VPS53: variants seen among roughly 807,000 people sequenced by gnomAD.
VPS53 encodes the protein VPS53 subunit of GARP complex.
Under a neutral mutation model 107.0 loss-of-function variants are expected in VPS53, and 70 were observed. The observed-to-expected ratio is 0.65, with a 90% confidence interval of 0.54 to 0.80. The LOEUF is 0.80. VPS53 is among the 30% of genes least tolerant of loss of function. The pLI is 0.00. For synonymous variants in VPS53, 409 were observed against 393.3 expected (o/e 1.04, Z -0.47); for missense variants, 917 against 1,049.4 (o/e 0.87, Z 1.74).
chr17:566,121 G>A (rs896882717), intron 13 of VPS53, among the ~76,000 whole-genome samples: 8 of 148,852 alleles, frequency 5.4e-5, no homozygotes, highest in Middle Eastern at 6.9e-3. Flanking sequence ...GGAGAATGGC[G>A]TGAACCCGGG....
chr17:586,421 G>A, intron 12 of VPS53, 57 bp from the exon 13 acceptor site: 3 of 1,536,460 alleles, frequency 2.0e-6, no homozygotes, highest in Non-Finnish European at 2.7e-6. Flanking sequence ...AAATGTTCAA[G>A]AATTTTTTTA....
intron 5 of VPS53, among the ~76,000 whole-genome samples, chr17:656,607 C>T (rs1015000348): frequency 6.6e-6 from 1 of 152,084 alleles, no homozygotes; most frequent in Non-Finnish European, 1.5e-5. Context: ...ACCAGAAAAG[C>T]ATATTCAATA....
chr17:607,106 C>T (rs992548670), intron 11 of VPS53, among the ~76,000 whole-genome samples: 1 of 152,178 alleles, frequency 6.6e-6, no homozygotes, highest in Non-Finnish European at 1.5e-5. Flanking sequence ...CAAGGGGAAG[C>T]TTTGAGCAGT....
chr17:662,861 GGAAGGAAGGAAC>G (rs1417937626), intron 4 of VPS53, among the ~76,000 whole-genome samples: 3 of 114,418 alleles, frequency 2.6e-5, no homozygotes, highest in Non-Finnish European at 4.1e-5. Context: ...AAGGAAGGAA[GGAAGGAAGGAAC>G]GAAGGAAGGA....
In VPS53 at chr17:515,113, A is replaced by G. The variant is rs1413312873; in HGVS notation, c.*4015T>C. ...TATTTTAAACCCAAAGTGACTTCAA[A>G]GTTGTTTTTTGGTTTTTAAAGGGGC... is the stretch of plus-strand genomic sequence containing the variant. On this transcript the variant is annotated 3_prime_UTR_variant, in exon 22 of 22. Coordinates refer to ENST00000437048, the MANE Select transcript of VPS53 (RefSeq NM_001128159.3). 1 of 152,176 alleles carries G rather than the reference A, an allele frequency of 6.6e-6. No homozygotes were observed. The highest frequency in any genetic ancestry group is 6.5e-5 in the Admixed American group (1 of 15,276). 9.4% of individuals were successfully genotyped at this position (152,176 alleles called of 1,614,324 possible). A position where few individuals can be genotyped will look rare whatever the true frequency, so the allele number is the denominator to read the frequency against.
intron 4 of VPS53, among the ~76,000 whole-genome samples, chr17:668,064 C>A (rs140869352): frequency 1.1e-4 from 16 of 152,204 alleles, no homozygotes; most frequent in African/African-American, 3.6e-4. Flanking sequence ...AGGTTGGGGA[C>A]CACTGGTTTA....
intron 10 of VPS53, among the ~76,000 whole-genome samples, chr17:624,934 G>A (rs969230363): frequency 2.2e-5 from 3 of 135,306 alleles, no homozygotes; most frequent in South Asian, 2.4e-4. Flanking sequence ...CCTTCCACTC[G>A]CCCTCCCTCC....
Position 686,828 on chromosome 17 carries a change from T to C in VPS53, c.285+10590A>G, listed in dbSNP as rs73283512. Among the ~76,000 whole-genome samples the C allele has an allele frequency of 9.9e-3, 1,509 of 152,224 alleles. 24 individuals carry two copies. Among genetic ancestry groups the C allele is most frequent in the African/African-American group, 0.034 (1,412 of 41,538 alleles). ...TTACTAAACATGAGTGAGCCCAACA[T>C]TGTGCAAAAAAGGTGTTTTAAAATA... is the stretch of plus-strand genomic sequence containing the variant. On this transcript the variant is annotated intron_variant, in intron 4 of 21. Transcript: ENST00000437048.
At chr17:534,505 C>G (rs1296662926) in intron 18 of VPS53, among the ~76,000 whole-genome samples, 1 of 152,072 alleles carries the variant, frequency 6.6e-6, no homozygotes, top group East Asian at 1.9e-4. Flanking sequence ...AAACAAGGGG[C>G]TATTTGGAAG....
intron 13 of VPS53, among the ~76,000 whole-genome samples, chr17:569,672 A>T (rs373554540): frequency 6.6e-6 from 1 of 152,112 alleles, no homozygotes. Context: ...TAATCTCAAC[A>T]TCTAGGGAGG....
At chr17:560,978 G>A (rs973859463) in intron 14 of VPS53, among the ~76,000 whole-genome samples, 1 of 152,110 alleles carries the variant, frequency 6.6e-6, no homozygotes, top group Non-Finnish European at 1.5e-5. Context: ...GTGTGCTGGT[G>A]GAGGAGGACA....
intron 13 of VPS53, among the ~76,000 whole-genome samples, chr17:563,285 T>TC (rs1913188439): frequency 2.7e-5 from 4 of 146,286 alleles, no homozygotes; most frequent in Non-Finnish European, 4.5e-5. Flanking sequence ...GAACTTCATT[T>TC]CCTTTTTTTT....
chr17:533,825 C>T (rs1208088470), intron 18 of VPS53, among the ~76,000 whole-genome samples: 2 of 150,342 alleles, frequency 1.3e-5, no homozygotes, highest in African/African-American at 4.9e-5. Context: ...AGTGAATGCA[C>T]ATTGAGTAAA....
intron 4 of VPS53, among the ~76,000 whole-genome samples, chr17:694,464 C>T (rs1256249444): frequency 6.6e-6 from 1 of 152,098 alleles, no homozygotes; most frequent in Admixed American, 6.6e-5. Flanking sequence ...CAAAAAATGC[C>T]GATGAATCAC....
chr17:645,053 T>C (rs1003843330), intron 7 of VPS53, among the ~76,000 whole-genome samples: 25 of 152,354 alleles, frequency 1.6e-4, no homozygotes, highest in Admixed American at 3.3e-4. Context: ...TGTTGGACTT[T>C]CTATTTTTCA....
Position 571,228 on chromosome 17 carries a change from G to A in VPS53, c.1314-8483C>T, listed in dbSNP as rs1362108351. Among the ~76,000 whole-genome samples the A allele has an allele frequency of 2.6e-5, 3 of 114,598 alleles. No individual in the cohort carries two copies. The East Asian group carries it at 9.3e-4, about 35-fold the overall frequency. The allele number at this position is 114,598 out of a possible 152,430, so 75.2% of individuals were successfully genotyped here. A position where few individuals can be genotyped will look rare whatever the true frequency, so the allele number is the denominator to read the frequency against. ...TCTAGAGGCTGAAGTAGGAGGAGGG[G>A]AAGGGAGAGGAAGGGAGGGGAGGGG... On this transcript the variant is annotated intron_variant, in intron 13 of 21. Transcript: ENST00000437048.
At chr17:591,020 C>G (rs1036796941) in intron 12 of VPS53, among the ~76,000 whole-genome samples, 7 of 151,740 alleles carry the variant, frequency 4.6e-5, no homozygotes, top group East Asian at 3.9e-4. Context: ...GACTCTTTTT[C>G]GTTGGTAAGC....
Position 553,372 on chromosome 17 carries a change from G to T in VPS53, c.1787+8C>A, listed in dbSNP as rs532168648. On this transcript the variant is annotated splice_region_variant and intron_variant, in intron 16 of 21. Coordinates refer to ENST00000437048, the MANE Select transcript of VPS53 (RefSeq NM_001128159.3). ...CAGGCAGCCAGTAAGTGTGTGCAGG[G>T]TACATACGTGCTGAACGTGTCCATC... 1.2e-6 allele frequency: 2 copies of T among 1,613,652 alleles called. No individual in the cohort carries two copies. Among genetic ancestry groups the T allele is most frequent in the Non-Finnish European group, 1.7e-6 (2 of 1,179,670 alleles).
intron 17 of VPS53, among the ~76,000 whole-genome samples, chr17:542,246 G>A (rs1910755854): frequency 6.6e-6 from 1 of 152,230 alleles, no homozygotes; most frequent in Non-Finnish European, 1.5e-5. Context: ...AATAATAAAT[G>A]AGGATGAAAC....
Sources: gnomAD v4.1 joint callset for allele counts (sites outside exome capture counted in the v4.1 genomes callset) on GRCh38, gnomAD v4.1.1 for gene constraint, MANE v1.5 for transcripts, NCBI Gene and HGNC (gene_info 2026-07-23, HGNC 2026-07-21) for gene names.